Variants in PTPRN2 observed in about 807,000 individuals in gnomAD.
PTPRN2 encodes the protein protein tyrosine phosphatase receptor type N2.
A neutral mutation model predicts 118.8 loss-of-function variants in PTPRN2; 74 were observed. That is an observed-to-expected ratio of 0.62 (90% CI 0.52 to 0.76). The LOEUF is 0.76. Ranked by LOEUF, PTPRN2 falls within the 30% of genes least tolerant of loss-of-function variation. The pLI is 0.00. For synonymous variants in PTPRN2, 641 were observed against 608.0 expected (o/e 1.05, Z -0.80); for missense variants, 1,481 against 1,394.4 (o/e 1.06, Z -0.99).
chr7:157,838,035 G>C (rs1398637552), intron 12 of PTPRN2, among the ~76,000 whole-genome samples: 1 of 147,992 alleles, frequency 6.8e-6, no homozygotes, highest in Admixed American at 6.7e-5. Context: ...ACGGGAGAAA[G>C]CTCCTCTCCG....
chr7:158,138,952 C>A (rs1819107510), intron 6 of PTPRN2, among the ~76,000 whole-genome samples: 2 of 134,908 alleles, frequency 1.5e-5, no homozygotes, highest in Admixed American at 6.9e-5. Flanking sequence ...CCCAGGACAC[C>A]CTGCCCAGCA....
intron 6 of PTPRN2, among the ~76,000 whole-genome samples, chr7:158,142,107 C>G (rs1819442708): frequency 1.3e-5 from 2 of 152,226 alleles, no homozygotes; most frequent in Admixed American, 1.3e-4. Context: ...GCCCTGCTGA[C>G]CCTGGGGGCT....
At chr7:158,473,740 A>C (rs1461681323) in intron 2 of PTPRN2, among the ~76,000 whole-genome samples, 1 of 152,180 alleles carries the variant, frequency 6.6e-6, no homozygotes, top group Non-Finnish European at 1.5e-5. Context: ...CAGCCATCCA[A>C]CTGTCTAACA....
At position 157,609,255 on chromosome 7, in the gene PTPRN2, C is replaced by T. The variant is rs552751983; in HGVS notation, c.2345-5180G>A. On this transcript the variant is annotated intron_variant, in intron 15 of 22. Coordinates refer to ENST00000389418, the MANE Select transcript of PTPRN2 (RefSeq NM_002847.5). The surrounding 1 kb of genome is among the most constrained non-coding windows in gnomAD (Gnocchi z 4.9). ...AAAATTAGCCAGGCGTGGTGGTGGG[C>T]GGCTGTAATCCCAGCTACTTGGGAG... Among the ~76,000 whole-genome samples the T allele has an allele frequency of 8.2e-4, 125 of 152,148 alleles. No homozygotes were observed. The highest frequency in any genetic ancestry group is 2.2e-3 in the African/African-American group (91 of 41,512).
At chr7:157,691,498 C>A (rs898263832) in intron 12 of PTPRN2, among the ~76,000 whole-genome samples, 10 of 152,240 alleles carry the variant, frequency 6.6e-5, no homozygotes, top group African/African-American at 1.9e-4. Context: ...CCTCTGCTCA[C>A]TTTACCAGGG....
rs1026866908 is a variant in PTPRN2, at chr7:158,133,746, C to T, written c.1487G>A (p.Ser496Asn). 2 of 1,613,066 alleles carry T rather than the reference C, an allele frequency of 1.2e-6. No homozygotes were observed. Among genetic ancestry groups the T allele is most frequent in the Non-Finnish European group, 1.7e-6 (2 of 1,179,468 alleles). The change falls in exon 9 of 23, where the codon AGC becomes AAC. Residue 496 changes from serine to asparagine, a missense_variant. This residue lies in a region of PTPRN2 where 1,115 missense variants were observed against 994.2 expected (regional missense o/e 1.12). Transcript: ENST00000389418. The stretch of plus-strand genomic sequence containing the variant: ...CTGGACCTCCAATTGCAGGCCGTCG[C>T]TGAGGGCCTCCTGAGCACCCGCTGG... The part of the protein sequence containing the change: ...SLPAGAQEAL[S>N]DGLQLEVQPS...
At chr7:158,051,267 CAG>C (rs1285168017) in intron 11 of PTPRN2, among the ~76,000 whole-genome samples, 1 of 152,182 alleles carries the variant, frequency 6.6e-6, no homozygotes, top group Non-Finnish European at 1.5e-5. Context: ...CGGCACAGTG[CAG>C]AGAGAGGAAA....
At chr7:157,879,069 TTCC>T (rs1264984097) in intron 12 of PTPRN2, among the ~76,000 whole-genome samples, 14 of 134,776 alleles carry the variant, frequency 1.0e-4, no homozygotes, top group Admixed American at 3.0e-4. Context: ...CTCTCTCAGA[TTCC>T]ATGGGGCTGG....
At chr7:158,355,494 A>G (rs935922718) in intron 2 of PTPRN2, among the ~76,000 whole-genome samples, 7 of 152,208 alleles carry the variant, frequency 4.6e-5, no homozygotes, top group African/African-American at 1.7e-4. Context: ...CGTTTGTGTC[A>G]ACAGAGAACT....
intron 2 of PTPRN2, among the ~76,000 whole-genome samples, chr7:158,358,974 G>C (rs747845744): frequency 1.3e-5 from 2 of 152,186 alleles, no homozygotes; most frequent in Non-Finnish European, 2.9e-5. Context: ...AGTGATAAAA[G>C]GTTTACTGAA....
intron 2 of PTPRN2, among the ~76,000 whole-genome samples, chr7:158,450,805 C>T (rs1328965522): frequency 6.6e-6 from 1 of 152,252 alleles, no homozygotes; most frequent in Non-Finnish European, 1.5e-5. Context: ...ATGCCACCTA[C>T]GCGCTTCCTT....
At chr7:157,818,049 G>A (rs921201070) in intron 12 of PTPRN2, among the ~76,000 whole-genome samples, 3 of 149,888 alleles carry the variant, frequency 2.0e-5, no homozygotes, top group African/African-American at 7.5e-5. Context: ...TGTGTCTGTG[G>A]ATGTGTGGCA....
intron 12 of PTPRN2, among the ~76,000 whole-genome samples, chr7:157,735,545 T>C (rs890363460): frequency 6.6e-6 from 1 of 152,184 alleles, no homozygotes; most frequent in Non-Finnish European, 1.5e-5. Flanking sequence ...AATGATTAGG[T>C]TGTTCAAAAG....
intron 12 of PTPRN2, chr7:157,857,189 G>A (rs996169716): frequency 6.6e-6 from 1 of 151,708 alleles, no homozygotes; most frequent in Non-Finnish European, 1.5e-5. Context: ...GGGAGGGAGG[G>A]GGATGCTGCA....
chr7:157,719,525 CG>C (rs1482325501), intron 12 of PTPRN2, among the ~76,000 whole-genome samples: 1 of 152,272 alleles, frequency 6.6e-6, no homozygotes, highest in Non-Finnish European at 1.5e-5. Flanking sequence ...CCTGGGAACG[CG>C]GAGAACTTCG....
At chr7:158,414,605 C>T (rs759363392) in intron 2 of PTPRN2, among the ~76,000 whole-genome samples, 2 of 152,246 alleles carry the variant, frequency 1.3e-5, no homozygotes, top group African/African-American at 2.4e-5. Context: ...AGCTCACATG[C>T]GGGCTGGAGG....
chr7:158,019,882 C>T (rs115777779), intron 11 of PTPRN2, among the ~76,000 whole-genome samples: 1,614 of 152,358 alleles, frequency 0.011, 25 homozygotes, highest in African/African-American at 0.037. Flanking sequence ...CCCCGGCATC[C>T]GCAGGACACG....
chr7:158,132,125 A>T (rs1818378749), intron 9 of PTPRN2, among the ~76,000 whole-genome samples: 1 of 81,698 alleles, frequency 1.2e-5, no homozygotes, highest in Non-Finnish European at 2.2e-5. Context: ...CCTATCCAAC[A>T]CACATACACA....
chr7:158,251,681 CACG>C (rs1796685759), intron 3 of PTPRN2, among the ~76,000 whole-genome samples: 1 of 150,376 alleles, frequency 6.6e-6, no homozygotes, highest in African/African-American at 2.5e-5. Context: ...GTCTATGGTG[CACG>C]TGTGGTGTGT....
Sources: allele counts gnomAD v4.1 joint callset (sites outside exome capture counted in the v4.1 genomes callset), GRCh38; gene constraint gnomAD v4.1.1; regional missense constraint gnomAD v4.1.1; non-coding constraint Gnocchi (gnomAD v3.1); transcripts MANE v1.5; gene names NCBI Gene and HGNC (gene_info 2026-07-23, HGNC 2026-07-21).